IPCEF1: variants seen among roughly 807,000 people sequenced by gnomAD.
The protein encoded by IPCEF1 is interactor protein for cytohesin exchange factors 1.
Under a neutral mutation model 50.9 loss-of-function variants are expected in IPCEF1, and 31 were observed. The ratio of observed to expected loss-of-function variants is 0.61; its 90% CI spans 0.46 to 0.82. The LOEUF is 0.82. IPCEF1 is among the 40% of genes least tolerant of loss of function. IPCEF1 has a pLI of 0.00. For synonymous variants in IPCEF1, 181 were observed against 192.0 expected, an observed-to-expected ratio of 0.94 and a Z score of 0.47; for missense variants, 458 against 514.0, an observed-to-expected ratio of 0.89 and a Z score of 1.05.
At chr6:154,192,060 G>A (rs927729612) in intron 10 of IPCEF1, among the ~76,000 whole-genome samples, 12 of 152,006 alleles carry the variant, frequency 7.9e-5, no homozygotes, top group Non-Finnish European at 1.3e-4. Context: ...AATGAATTCC[G>A]GCTGGATAAA....
intron 3 of IPCEF1, among the ~76,000 whole-genome samples, chr6:154,256,378 A>G (rs1028776141): frequency 1.3e-5 from 2 of 152,184 alleles, no homozygotes; most frequent in Non-Finnish European, 2.9e-5. Flanking sequence ...TAGGGGTTCT[A>G]TGTATAAATT....
intron 3 of IPCEF1, among the ~76,000 whole-genome samples, chr6:154,253,638 G>A (rs1330282480): frequency 6.6e-6 from 1 of 152,146 alleles, no homozygotes; most frequent in Non-Finnish European, 1.5e-5. Context: ...GGCTACCTAT[G>A]TGTCTGGAAG....
At chr6:154,227,777 A>C (rs1779375105) in intron 5 of IPCEF1, among the ~76,000 whole-genome samples, 1 of 152,164 alleles carries the variant, frequency 6.6e-6, no homozygotes, top group African/African-American at 2.4e-5. Context: ...GTAAATCTTC[A>C]TTTGGGTGGA....
At chr6:154,243,015 A>G (rs1238753817) in intron 5 of IPCEF1, among the ~76,000 whole-genome samples, 3 of 152,298 alleles carry the variant, frequency 2.0e-5, no homozygotes, top group South Asian at 4.1e-4. Context: ...ATAAGGAGGG[A>G]TAAGTTTGAT....
intron 3 of IPCEF1, among the ~76,000 whole-genome samples, chr6:154,256,720 T>C (rs970994071): frequency 6.6e-6 from 1 of 152,206 alleles, no homozygotes; most frequent in African/African-American, 2.4e-5. Context: ...AATTTAATCA[T>C]AGAGAATCTT....
intron 1 of IPCEF1, among the ~76,000 whole-genome samples, chr6:154,314,617 G>A (rs1197395586): frequency 6.6e-6 from 1 of 152,052 alleles, no homozygotes; most frequent in South Asian, 2.1e-4. Context: ...ACTCAGAACA[G>A]TATTAATTAC....
intron 10 of IPCEF1, among the ~76,000 whole-genome samples, chr6:154,196,729 C>T (rs550104529): frequency 5.7e-4 from 87 of 152,312 alleles, no homozygotes; most frequent in Admixed American, 1.8e-3. Context: ...CATTAACCCT[C>T]TCACCTCTTT....
rs77363751 is a variant in IPCEF1 at position 154,273,118 on chromosome 6, A to G, written c.-17-7154T>C. Among the ~76,000 whole-genome samples the G allele has an allele frequency of 8.2e-3, 1,253 of 152,362 alleles. 11 individuals are homozygous for G. The highest frequency in any genetic ancestry group is 0.028 in the African/African-American group (1,175 of 41,580). The stretch of plus-strand genomic sequence containing the variant: ...CTTTCTCACAGAGCCTTAAGTGAAA[A>G]CAAAACAGGTCTGAACTAAAACGTT... On this transcript the variant is annotated intron_variant, in intron 2 of 11. Transcript: ENST00000367220.
At chr6:154,176,954 G>A (rs1800386469) in intron 10 of IPCEF1, among the ~76,000 whole-genome samples, 1 of 151,916 alleles carries the variant, frequency 6.6e-6, no homozygotes, top group Non-Finnish European at 1.5e-5. Context: ...ATAGACCAAT[G>A]GAACAGAACA....
chr6:154,302,664 A>G (rs903351651), intron 1 of IPCEF1, among the ~76,000 whole-genome samples: 6 of 152,074 alleles, frequency 3.9e-5, no homozygotes, highest in African/African-American at 1.4e-4. Context: ...TTGTGGAGAC[A>G]GGGCTTCACC....
At chr6:154,209,709 A>G (rs1777810430) in intron 9 of IPCEF1, among the ~76,000 whole-genome samples, 1 of 152,066 alleles carries the variant, frequency 6.6e-6, no homozygotes, top group African/African-American at 2.4e-5. Context: ...AAAAGCCTAA[A>G]TGTTAGTTTA....
At chr6:154,313,670 T>C (rs573286820) in intron 1 of IPCEF1, among the ~76,000 whole-genome samples, 2 of 152,284 alleles carry the variant, frequency 1.3e-5, no homozygotes, top group South Asian at 2.1e-4. Flanking sequence ...TGTAGAATTG[T>C]ATGTATGCTT....
intron 3 of IPCEF1, among the ~76,000 whole-genome samples, chr6:154,250,742 C>T (rs957692496): frequency 1.3e-5 from 2 of 152,216 alleles, no homozygotes; most frequent in African/African-American, 4.8e-5. Context: ...TTAAAATTCA[C>T]AGTAAGATGC....
chr6:154,270,344 A>G (rs1781870750), intron 2 of IPCEF1, among the ~76,000 whole-genome samples: 1 of 152,226 alleles, frequency 6.6e-6, no homozygotes, highest in Non-Finnish European at 1.5e-5. Flanking sequence ...CAATTCCTAC[A>G]TATTTACTTA....
intron 1 of IPCEF1, among the ~76,000 whole-genome samples, chr6:154,349,918 C>T (rs1784093864): frequency 6.6e-6 from 1 of 152,072 alleles, no homozygotes. Context: ...ATGATATTTA[C>T]CTGTTAAAAG....
Position 154,199,726 on chromosome 6 carries a change from G to A in IPCEF1, c.852C>T (p.Ser284=), listed in dbSNP as rs1335311495. The A allele has an allele frequency of 1.2e-5, 20 of 1,614,054 alleles. No homozygotes were observed. Among genetic ancestry groups the A allele is most frequent in the Non-Finnish European group, 1.5e-5 (18 of 1,179,916 alleles). Residue 284 remains serine (S), a synonymous_variant, in exon 10 of 12, where the codon AGC becomes AGT. Transcript: ENST00000367220. ...CTGGGACAGTAAGATGGTCATGATT[G>A]CTACTCAATGAAGAAGTATCATCAC... ...LSSDDTSSLS[S]NHDHLTVPDK...
At chr6:154,329,652 A>T (rs1783610381) in intron 1 of IPCEF1, among the ~76,000 whole-genome samples, 1 of 138,612 alleles carries the variant, frequency 7.2e-6, no homozygotes, top group South Asian at 2.3e-4. Flanking sequence ...AAAGAAAGAA[A>T]GATCCAAAAA....
intron 11 of IPCEF1, among the ~76,000 whole-genome samples, chr6:154,166,131 ATTGT>A (rs1312682319): frequency 6.6e-6 from 1 of 152,242 alleles, no homozygotes; most frequent in African/African-American, 2.4e-5. Context: ...ATAAATGCTG[ATTGT>A]TTGGAGTTGC....
At chr6:154,243,162 G>A (rs1470258529) in intron 5 of IPCEF1, among the ~76,000 whole-genome samples, 1 of 152,154 alleles carries the variant, frequency 6.6e-6, no homozygotes, top group Non-Finnish European at 1.5e-5. Context: ...AACTGGGTAG[G>A]GCTGACAAGT....
Sources: allele counts gnomAD v4.1 joint callset (sites outside exome capture counted in the v4.1 genomes callset), GRCh38; gene constraint gnomAD v4.1.1; transcripts MANE v1.5; gene names NCBI Gene and HGNC (gene_info 2026-07-23, HGNC 2026-07-21).